Variants in COMMD10 observed in about 807,000 individuals in gnomAD.
The protein encoded by COMMD10 is COMM domain-containing protein 10.
COMMD10 carries 33 observed loss-of-function variants against 28.9 expected under a neutral mutation model. That is an observed-to-expected ratio of 1.14 (90% CI 0.87 to 1.53). COMMD10 has a LOEUF of 1.53. Among genes scored for constraint, COMMD10 ranks in the 40% most tolerant of loss-of-function variants. The pLI, the probability that COMMD10 is intolerant of heterozygous loss-of-function variation, is 0.00. For missense variants in COMMD10, 310 were observed against 233.4 expected (o/e 1.33, Z -2.14); for synonymous variants, 110 against 81.7 (o/e 1.35, Z -1.87).
intron 5 of COMMD10, among the ~76,000 whole-genome samples, chr5:116,223,595 G>A (rs1212093482): frequency 1.3e-5 from 2 of 152,272 alleles, no homozygotes; most frequent in Admixed American, 6.5e-5. Context: ...CTAATCCAGA[G>A]AAGCTCGGGA....
chr5:116,097,077 G>T (rs563598753), intron 4 of COMMD10, among the ~76,000 whole-genome samples: 4 of 151,530 alleles, frequency 2.6e-5, no homozygotes, highest in African/African-American at 9.7e-5. Flanking sequence ...ATGAAAGTTT[G>T]TTTTTTTAAA....
chr5:116,115,326 A>T (rs1751196750), intron 4 of COMMD10, among the ~76,000 whole-genome samples: 2 of 150,502 alleles, frequency 1.3e-5, no homozygotes, highest in Non-Finnish European at 3.0e-5. Flanking sequence ...CACGTTGCAG[A>T]CTCCCTTTTG....
rs930642030 is a variant in COMMD10 at position 116,291,550 on chromosome 5, A to G, written c.544A>G (p.Lys182Glu). ...GAAAGTTCTTGTGGAATTCAGTCAC[A>G]AGGAGTTGTTTGATTTCTATAACAA... is the stretch of plus-strand genomic sequence containing the variant. ...LEKVLVEFSHKELFDFYNKLE... is the reference protein window; with the variant it reads ...LEKVLVEFSHEELFDFYNKLE... Residue 182 changes from lysine to glutamate, a missense_variant, in exon 6 of 7, where the codon AAG becomes GAG. Coordinates refer to ENST00000274458, the MANE Select transcript of COMMD10 (RefSeq NM_016144.4). The G allele has an allele frequency of 6.2e-7, 1 of 1,600,968 alleles. No individual in the cohort carries two copies. Among genetic ancestry groups the G allele is most frequent in the Non-Finnish European group, 8.5e-7 (1 of 1,172,676 alleles).
chr5:116,277,063 A>T (rs1561405347), intron 5 of COMMD10, among the ~76,000 whole-genome samples: 1 of 151,900 alleles, frequency 6.6e-6, no homozygotes, highest in African/African-American at 2.4e-5. Context: ...GTTACCAAAA[A>T]ATATAAGTTA....
chr5:116,182,921 A>T (rs946483737), intron 5 of COMMD10, among the ~76,000 whole-genome samples: 9 of 152,030 alleles, frequency 5.9e-5, no homozygotes, highest in Non-Finnish European at 1.3e-4. Context: ...TTTTTTAAGC[A>T]TGTGGCATTT....
chr5:116,105,703 A>G (rs1200418554), intron 4 of COMMD10, among the ~76,000 whole-genome samples: 4 of 152,188 alleles, frequency 2.6e-5, no homozygotes, highest in Non-Finnish European at 5.9e-5. Flanking sequence ...GTATGTGTCC[A>G]GGAGTTTATC....
chr5:116,151,603 G>A (rs943168181), intron 5 of COMMD10, among the ~76,000 whole-genome samples: 1 of 152,116 alleles, frequency 6.6e-6, no homozygotes, highest in Non-Finnish European at 1.5e-5. Flanking sequence ...TATGTGTCGA[G>A]GAATTTATCC....
At chr5:116,170,431 G>T (rs1272608714) in intron 5 of COMMD10, among the ~76,000 whole-genome samples, 3 of 152,120 alleles carry the variant, frequency 2.0e-5, no homozygotes, top group African/African-American at 7.2e-5. Context: ...TGTAGATTCA[G>T]TGCCATCCCC....
At chr5:116,189,344 C>T (rs1407110863) in intron 5 of COMMD10, among the ~76,000 whole-genome samples, 3 of 152,168 alleles carry the variant, frequency 2.0e-5, no homozygotes, top group African/African-American at 7.2e-5. Context: ...GAGCAGCATC[C>T]AGTGTCTCAT....
At chr5:116,127,722 A>G (rs1473015918) in intron 4 of COMMD10, among the ~76,000 whole-genome samples, 1 of 152,178 alleles carries the variant, frequency 6.6e-6, no homozygotes, top group Non-Finnish European at 1.5e-5. Context: ...TGGGAGTTGA[A>G]CAATGAGAAC....
At position 116,255,230 on chromosome 5, in the gene COMMD10, G is replaced by C. The variant is rs1022247416; in HGVS notation, c.511-36287G>C. Among the ~76,000 whole-genome samples, 21 of 151,742 alleles carry C rather than the reference G, an allele frequency of 1.4e-4. 1 individual carries two copies. Among genetic ancestry groups the C allele is most frequent in the Admixed American group, 6.6e-4 (10 of 15,236 alleles). On this transcript the variant is annotated intron_variant, in intron 5 of 6. Transcript: ENST00000274458. ...ATGGGTTTCCTGAACACAGCACACTGATGGGTCTTGACTCTTTATCCAATT... is the reference window on the plus strand; with the variant it reads ...ATGGGTTTCCTGAACACAGCACACTCATGGGTCTTGACTCTTTATCCAATT...
intron 5 of COMMD10, among the ~76,000 whole-genome samples, chr5:116,152,289 A>G (rs574982798): frequency 1.2e-4 from 19 of 152,200 alleles, no homozygotes; most frequent in African/African-American, 4.6e-4. Flanking sequence ...ATATAGAAGA[A>G]GAATACCACT....
At chr5:116,287,948 T>G (rs956998486) in intron 5 of COMMD10, among the ~76,000 whole-genome samples, 20 of 151,932 alleles carry the variant, frequency 1.3e-4, no homozygotes, top group African/African-American at 3.4e-4. Context: ...GTTTTGGGGT[T>G]TTTTCATTTA....
chr5:116,290,084 C>T (rs947529218), intron 5 of COMMD10, among the ~76,000 whole-genome samples: 7 of 151,888 alleles, frequency 4.6e-5, no homozygotes, highest in African/African-American at 7.3e-5. Context: ...CAGTTGTTTA[C>T]GTGCTGATTC....
chr5:116,118,731 G>A (rs1453161569), intron 4 of COMMD10, among the ~76,000 whole-genome samples: 3 of 137,502 alleles, frequency 2.2e-5, no homozygotes, highest in Non-Finnish European at 5.0e-5. Flanking sequence ...GCTTTAGGTT[G>A]AAACAGATGG....
At chr5:116,143,912 A>T (rs1429548505) in intron 5 of COMMD10, among the ~76,000 whole-genome samples, 1 of 151,742 alleles carries the variant, frequency 6.6e-6, no homozygotes. Context: ...AAGCCAGTAA[A>T]TATAAGTTTG....
intron 5 of COMMD10, among the ~76,000 whole-genome samples, chr5:116,256,194 T>A (rs1467197370): frequency 6.6e-6 from 1 of 151,690 alleles, no homozygotes; most frequent in East Asian, 1.9e-4. Context: ...GAATCTACAG[T>A]ATAATGAGAG....
intron 5 of COMMD10, among the ~76,000 whole-genome samples, chr5:116,196,901 A>G (rs1748537964): frequency 6.6e-6 from 1 of 152,158 alleles, no homozygotes; most frequent in Non-Finnish European, 1.5e-5. Flanking sequence ...TATTGTTTTA[A>G]TGTGATGTAT....
intron 5 of COMMD10, among the ~76,000 whole-genome samples, chr5:116,178,075 GAAAT>G (rs1747795616): frequency 6.6e-6 from 1 of 152,018 alleles, no homozygotes. Context: ...GCCTGTAAAA[GAAAT>G]AAATACTTCA....
Sources: gnomAD v4.1 joint callset for allele counts (sites outside exome capture counted in the v4.1 genomes callset) on GRCh38, gnomAD v4.1.1 for gene constraint, MANE v1.5 for transcripts, NCBI Gene and HGNC (gene_info 2026-07-23, HGNC 2026-07-21) for gene names.